Variants in GLI3 observed in about 807,000 individuals in gnomAD.
The protein encoded by GLI3 is GLI family zinc finger 3.
GLI3 carries 20 observed loss-of-function variants against 100.8 expected under a neutral mutation model. The observed-to-expected ratio is 0.20, with a 90% confidence interval of 0.14 to 0.29. The LOEUF is 0.29. Ranked by LOEUF, GLI3 falls within the 10% of genes least tolerant of loss-of-function variation. GLI3 has a pLI of 1.00. For synonymous variants in GLI3, 938 were observed against 860.5 expected, an observed-to-expected ratio of 1.09 and a Z score of -1.58; for missense variants, 2,040 against 2,128.5, an observed-to-expected ratio of 0.96 and a Z score of 0.82.
At chr7:42,038,963 A>G (rs929757001) in intron 7 of GLI3, among the ~76,000 whole-genome samples, 1 of 152,158 alleles carries the variant, frequency 6.6e-6, no homozygotes, top group Non-Finnish European at 1.5e-5. Context: ...ACAAAACCTC[A>G]CTTATTAAAA....
chr7:42,144,543 T>A (rs1786655762), intron 3 of GLI3, among the ~76,000 whole-genome samples: 2 of 150,560 alleles, frequency 1.3e-5, no homozygotes, highest in East Asian at 3.9e-4. Context: ...TCTTTTTTCT[T>A]TTTTTTTTAA....
At chr7:42,025,097 A>G (rs1172159661) in intron 9 of GLI3, among the ~76,000 whole-genome samples, 167 bp downstream of exon 9, 3 of 152,218 alleles carry the variant, frequency 2.0e-5, no homozygotes, top group Non-Finnish European at 4.4e-5. Flanking sequence ...TAGTCACTCC[A>G]TATCTAGCCT....
chr7:42,224,119 A>G (rs144887981), intron 1 of GLI3, among the ~76,000 whole-genome samples: 3 of 152,212 alleles, frequency 2.0e-5, no homozygotes, highest in Admixed American at 6.5e-5. Context: ...TCATTCATCA[A>G]TTTTCACTCT....
chr7:42,131,224 C>T (rs998864766), intron 3 of GLI3, among the ~76,000 whole-genome samples: 1 of 152,160 alleles, frequency 6.6e-6, no homozygotes, highest in Admixed American at 6.5e-5. Context: ...TCTAGAGATT[C>T]CTCGTTCAGA....
At chr7:42,006,056 A>G (rs903451367) in intron 10 of GLI3, among the ~76,000 whole-genome samples, 1 of 152,216 alleles carries the variant, frequency 6.6e-6, no homozygotes, top group Non-Finnish European at 1.5e-5. Context: ...TAATTTGAAT[A>G]TATCATCCCT....
At chr7:42,052,409 TAA>T (rs1329001570) in intron 4 of GLI3, among the ~76,000 whole-genome samples, 2 of 152,152 alleles carry the variant, frequency 1.3e-5, no homozygotes, top group African/African-American at 4.8e-5. Context: ...AGTAAAATCA[TAA>T]AGTCACATGA....
chr7:42,055,061 ATATG>A (rs72468941), intron 4 of GLI3, among the ~76,000 whole-genome samples: 33,342 of 134,746 alleles, frequency 0.25, 4,225 homozygotes, highest in African/African-American at 0.33. Context: ...ACACACACAT[ATATG>A]TATACATATA....
chr7:42,003,171 G>T (rs867317330), intron 10 of GLI3, among the ~76,000 whole-genome samples: 1 of 152,108 alleles, frequency 6.6e-6, no homozygotes, highest in Non-Finnish European at 1.5e-5. Context: ...TATAATTACA[G>T]ACTATTTTGA....
At chr7:42,076,473 T>C (rs1784880422) in intron 4 of GLI3, among the ~76,000 whole-genome samples, 1 of 152,246 alleles carries the variant, frequency 6.6e-6, no homozygotes, top group African/African-American at 2.4e-5. Flanking sequence ...ATTAGGCTTT[T>C]ACTTTTTAAT....
At chr7:42,238,114 C>A (rs1436354224), upstream of GLI3, among the ~76,000 whole-genome samples, 3 of 151,524 alleles carry the variant, frequency 2.0e-5, no homozygotes, top group Non-Finnish European at 4.4e-5. Context: ...CTTGACCCCG[C>A]GCCCTCCCGG....
intron 2 of GLI3, among the ~76,000 whole-genome samples, chr7:42,212,170 C>A (rs1273475511): frequency 6.6e-6 from 1 of 152,138 alleles, no homozygotes; most frequent in African/African-American, 2.4e-5. Flanking sequence ...CATCTCTTGG[C>A]ATGAAATGCA....
At position 42,105,042 on chromosome 7, in the gene GLI3, A is replaced by T. The variant is rs79713537; in HGVS notation, c.368-28185T>A. Among the ~76,000 whole-genome samples, 1,458 of 152,332 alleles carry T rather than the reference A, an allele frequency of 9.6e-3. 16 individuals carry two copies. Among genetic ancestry groups the T allele is most frequent in the East Asian group, 0.022 (115 of 5,170 alleles). ...CAGGAACTTTGATAATTATTATCTG[A>T]ATTTATCCAAAGAAACACTGTGAAA... is the stretch of plus-strand genomic sequence containing the variant. On this transcript the variant is annotated intron_variant, in intron 3 of 14. Coordinates refer to ENST00000395925, the MANE Select transcript of GLI3 (RefSeq NM_000168.6).
At chr7:42,056,354 T>C (rs1784461175) in intron 4 of GLI3, among the ~76,000 whole-genome samples, 1 of 152,156 alleles carries the variant, frequency 6.6e-6, no homozygotes, top group African/African-American at 2.4e-5. Flanking sequence ...AAGAAGTGTG[T>C]ATGAGTAGAT....
intron 10 of GLI3, among the ~76,000 whole-genome samples, chr7:41,994,411 A>C (rs563829377): frequency 6.6e-6 from 1 of 152,352 alleles, no homozygotes; most frequent in South Asian, 2.1e-4. Context: ...GAGTCAAAAA[A>C]GGGAAGTAAG....
At chr7:41,992,511 C>T (rs964155206) in intron 10 of GLI3, among the ~76,000 whole-genome samples, 1 of 152,076 alleles carries the variant, frequency 6.6e-6, no homozygotes, top group African/African-American at 2.4e-5. Context: ...CCCTTCCCTA[C>T]CCCATGTTAT....
chr7:42,181,633 A>G (rs1787596684), intron 2 of GLI3, among the ~76,000 whole-genome samples: 1 of 152,150 alleles, frequency 6.6e-6, no homozygotes, highest in Admixed American at 6.5e-5. Flanking sequence ...AACAAAAACA[A>G]AAACAAAAAC....
chr7:41,969,726 T>C (rs1397188076), intron 13 of GLI3, among the ~76,000 whole-genome samples: 2 of 152,220 alleles, frequency 1.3e-5, no homozygotes, highest in Non-Finnish European at 2.9e-5. Context: ...ACACACTTCA[T>C]ATAAGGCACA....
chr7:42,027,177 A>G (rs1195216324), intron 7 of GLI3, among the ~76,000 whole-genome samples: 1 of 152,194 alleles, frequency 6.6e-6, no homozygotes, highest in Admixed American at 6.5e-5. Context: ...CTGAGGAAGC[A>G]GTGATAATAC....
intron 2 of GLI3, among the ~76,000 whole-genome samples, chr7:42,167,422 A>C (rs963982806): frequency 1.3e-5 from 2 of 152,214 alleles, no homozygotes; most frequent in African/African-American, 4.8e-5. Context: ...AAGATGATTC[A>C]TAGTTTACAG....
Sources: gnomAD v4.1 joint callset for allele counts (sites outside exome capture counted in the v4.1 genomes callset) on GRCh38, gnomAD v4.1.1 for gene constraint, MANE v1.5 for transcripts, NCBI Gene and HGNC (gene_info 2026-07-23, HGNC 2026-07-21) for gene names.